PRELID2: variants seen among roughly 807,000 people sequenced by gnomAD.
The protein encoded by PRELID2 is PRELI domain-containing protein 2.
A neutral mutation model predicts 28.4 loss-of-function variants in PRELID2; 25 were observed. The ratio of observed to expected loss-of-function variants is 0.88; its 90% CI spans 0.64 to 1.23. The LOEUF is 1.23. Ranked by LOEUF, PRELID2 falls within the 50% of genes most tolerant of loss-of-function variation. The pLI is 0.00. For synonymous variants in PRELID2, 76 were observed against 71.6 expected, an observed-to-expected ratio of 1.06 and a Z score of -0.31; for missense variants, 201 against 214.4, an observed-to-expected ratio of 0.94 and a Z score of 0.39.
the PRELID2 span, among the ~76,000 whole-genome samples, chr5:145,412,343 G>T: frequency 3.3e-5 from 5 of 152,144 alleles, no homozygotes; most frequent in Non-Finnish European, 7.3e-5. Flanking sequence ...CAAGTTCAAA[G>T]TTCCACAGAT....
intron 1 of PRELID2, among the ~76,000 whole-genome samples, chr5:145,676,823 T>C (rs1393869919): frequency 6.6e-6 from 1 of 152,100 alleles, no homozygotes; most frequent in Admixed American, 6.5e-5. Context: ...ATACTTTTAA[T>C]AACACCACAG....
At chr5:145,376,445 T>C in the PRELID2 span, among the ~76,000 whole-genome samples, 2 of 152,152 alleles carry the variant, frequency 1.3e-5, no homozygotes, top group Non-Finnish European at 2.9e-5. Context: ...TCTCCTCAAT[T>C]TTTTTGTAAT....
intron 1 of PRELID2, among the ~76,000 whole-genome samples, chr5:145,659,275 G>C (rs1754449076): frequency 6.6e-6 from 1 of 152,182 alleles, no homozygotes; most frequent in African/African-American, 2.4e-5. Context: ...TTATCTCATT[G>C]ATTCCATCTG....
chr5:145,535,947 C>A (rs1278605740), intron 1 of PRELID2, among the ~76,000 whole-genome samples: 1 of 151,828 alleles, frequency 6.6e-6, no homozygotes, highest in Non-Finnish European at 1.5e-5. Flanking sequence ...CCATTACAAC[C>A]AATTCCTCTG....
chr5:145,671,401 T>C (rs2149683262), intron 1 of PRELID2, among the ~76,000 whole-genome samples: 1 of 152,266 alleles, frequency 6.6e-6, no homozygotes, highest in Middle Eastern at 3.4e-3. Context: ...GATTAGATTC[T>C]CTGAATTAAA....
intron 1 of PRELID2, among the ~76,000 whole-genome samples, chr5:145,556,037 G>T (rs10477277): frequency 0.02 from 2,975 of 152,040 alleles, 87 homozygotes; most frequent in African/African-American, 0.068. Flanking sequence ...AATTAGCCAG[G>T]TGTGGTGGCG....
rs1288035272 is a variant in PRELID2 at position 145,715,869 on chromosome 5, C to A, written n.70+49062G>T. ...GGAGTCACCAAGTAAAATATCATCA[C>A]ATCATTGTATTTTAATTATCTCCAT... is the stretch of plus-strand genomic sequence containing the variant. On this transcript the variant is annotated intron_variant and non_coding_transcript_variant, in intron 1 of 2. Coordinates refer to the PRELID2 transcript ENST00000510259. 7.9e-5 allele frequency among the ~76,000 whole-genome samples: 12 copies of A among 152,188 alleles called. No individual in the cohort carries two copies. In the East Asian group the frequency reaches 2.3e-3, roughly 29 times the overall value.
chr5:145,792,134 G>A (rs1752436686), intron 5 of PRELID2, among the ~76,000 whole-genome samples: 1 of 152,034 alleles, frequency 6.6e-6, no homozygotes, highest in Non-Finnish European at 1.5e-5. Context: ...CACCCAGCTT[G>A]CCCCACGCAA....
the PRELID2 span, among the ~76,000 whole-genome samples, chr5:145,345,190 A>G: frequency 6.6e-6 from 1 of 152,124 alleles, no homozygotes; most frequent in Non-Finnish European, 1.5e-5. Context: ...AGGTATAAGC[A>G]AAGAAGTATC....
chr5:145,502,411 A>G (rs1752367652), intron 1 of PRELID2, among the ~76,000 whole-genome samples: 1 of 152,156 alleles, frequency 6.6e-6, no homozygotes, highest in South Asian at 2.1e-4. Context: ...TTACAATTGA[A>G]TATGAGATTT....
chr5:145,414,501 G>A, the PRELID2 span, among the ~76,000 whole-genome samples: 1 of 152,104 alleles, frequency 6.6e-6, no homozygotes, highest in Non-Finnish European at 1.5e-5. Flanking sequence ...ATTATTCTCA[G>A]TCTGTGAAGA....
intron 1 of PRELID2, among the ~76,000 whole-genome samples, chr5:145,571,829 A>C (rs1270891036): frequency 6.6e-6 from 1 of 151,996 alleles, no homozygotes; most frequent in Non-Finnish European, 1.5e-5. Context: ...AAAATACAAC[A>C]AATTAGCCAC....
intron 1 of PRELID2, among the ~76,000 whole-genome samples, chr5:145,650,143 T>G (rs1445516824): frequency 6.6e-6 from 1 of 152,044 alleles, no homozygotes; most frequent in African/African-American, 2.4e-5. Flanking sequence ...AGATCTGAAA[T>G]GAAACTTTAA....
the PRELID2 span, among the ~76,000 whole-genome samples, chr5:145,255,521 C>T: frequency 1.3e-5 from 2 of 151,854 alleles, no homozygotes; most frequent in African/African-American, 4.8e-5. Flanking sequence ...CATCTGTAAT[C>T]CCAATGCTTT....
the PRELID2 span, among the ~76,000 whole-genome samples, chr5:145,273,589 G>A: frequency 9.0e-4 from 137 of 152,258 alleles, no homozygotes; most frequent in African/African-American, 3.2e-3. Context: ...ATGCTTTTCA[G>A]CATCCTCTGG....
At chr5:145,541,270 A>G (rs1039896717) in intron 1 of PRELID2, among the ~76,000 whole-genome samples, 2 of 152,124 alleles carry the variant, frequency 1.3e-5, no homozygotes, top group African/African-American at 4.8e-5. Context: ...CAACTAATAT[A>G]TATAGTTTAG....
chr5:145,473,939 A>G (rs1752077490), intron 1 of PRELID2, among the ~76,000 whole-genome samples: 1 of 152,212 alleles, frequency 6.6e-6, no homozygotes, highest in Non-Finnish European at 1.5e-5. Flanking sequence ...TGCTGATGCT[A>G]TTGCAATTAC....
At chr5:145,740,524 T>C (rs1388425537) in intron 1 of PRELID2, among the ~76,000 whole-genome samples, 1 of 135,710 alleles carries the variant, frequency 7.4e-6, no homozygotes, top group Non-Finnish European at 1.6e-5. Flanking sequence ...AACTAGCATT[T>C]ATAAAACATT....
chr5:145,391,115 G>C, the PRELID2 span, among the ~76,000 whole-genome samples: 1 of 152,144 alleles, frequency 6.6e-6, no homozygotes, highest in South Asian at 2.1e-4. Flanking sequence ...GCTTTTCTAG[G>C]TGCACAACAG....
Sources: gnomAD v4.1 joint callset for allele counts (sites outside exome capture counted in the v4.1 genomes callset) on GRCh38, gnomAD v4.1.1 for gene constraint, MANE v1.5 for transcripts, NCBI Gene and HGNC (gene_info 2026-07-23, HGNC 2026-07-21) for gene names.